NCK2: variants seen among roughly 807,000 people sequenced by gnomAD.
NCK2 encodes NCK adaptor protein 2.
In NCK2, 16 loss-of-function variants were observed where a neutral mutation model predicts 33.9. That is an observed-to-expected ratio of 0.47 (90% CI 0.32 to 0.72). The LOEUF is 0.72. NCK2 is among the 30% of genes least tolerant of loss of function. NCK2 has a pLI of 0.03. For synonymous variants in NCK2, 273 were observed against 239.9 expected, an observed-to-expected ratio of 1.14 and a Z score of -1.27; for missense variants, 418 against 537.3, an observed-to-expected ratio of 0.78 and a Z score of 2.19.
chr2:105,777,247 G>A (rs552705766), intron 1 of NCK2, among the ~76,000 whole-genome samples: 2 of 152,278 alleles, frequency 1.3e-5, no homozygotes, highest in African/African-American at 2.4e-5. Context: ...GAGCCGGGGT[G>A]TTGCGGGGGG....
intron 4 of NCK2, among the ~76,000 whole-genome samples, chr2:105,890,640 A>G (rs1273610273): frequency 1.3e-5 from 2 of 152,250 alleles, no homozygotes; most frequent in Non-Finnish European, 2.9e-5. Flanking sequence ...AGACAGAGGC[A>G]TGCATAAATA....
chr2:105,837,178 C>T (rs894179226), intron 2 of NCK2, among the ~76,000 whole-genome samples: 5 of 152,096 alleles, frequency 3.3e-5, no homozygotes, highest in African/African-American at 1.2e-4. Context: ...ATTTTACTTG[C>T]TGTGTGGTTA....
chr2:105,820,990 G>A (rs1175830536), intron 2 of NCK2, among the ~76,000 whole-genome samples: 1 of 152,206 alleles, frequency 6.6e-6, no homozygotes, highest in Non-Finnish European at 1.5e-5. Flanking sequence ...TGTGATAGAA[G>A]CAGCAGCAGC....
At chr2:105,775,796 A>G (rs1318432196) in intron 1 of NCK2, among the ~76,000 whole-genome samples, 6 of 152,034 alleles carry the variant, frequency 3.9e-5, no homozygotes, top group Admixed American at 3.9e-4. Flanking sequence ...ATTCACTTGG[A>G]TTCTTTTAAT....
At chr2:105,807,893 A>C (rs1459164897) in intron 1 of NCK2, among the ~76,000 whole-genome samples, 3 of 113,506 alleles carry the variant, frequency 2.6e-5, no homozygotes, top group African/African-American at 1.1e-4. Context: ...CCTTCTCTCT[A>C]TCTCTCTCTC....
At position 105,893,507 on chromosome 2, in the gene NCK2, A is replaced by C. The variant is rs1195608027; in HGVS notation, c.*331A>C. ...GACGCAGGGCACCTGTGAGCGCAGG[A>C]GCGAGCCTAAGGCCACCCAGCGGCA... On this transcript the variant is annotated 3_prime_UTR_variant, in exon 5 of 5. Transcript: ENST00000233154. The C allele has an allele frequency of 3.6e-6, 1 of 279,764 alleles. No individual in the cohort carries two copies. Among genetic ancestry groups the C allele is most frequent in the Admixed American group, 4.3e-5 (1 of 23,438 alleles). 17.3% of individuals were successfully genotyped at this position (279,764 alleles called of 1,614,324 possible). A position where few individuals can be genotyped will look rare whatever the true frequency, so the allele number is the denominator to read the frequency against.
chr2:105,852,578 A>C (rs555443030), intron 2 of NCK2, among the ~76,000 whole-genome samples: 10 of 152,334 alleles, frequency 6.6e-5, no homozygotes, highest in Middle Eastern at 3.4e-3. Flanking sequence ...GCAGTAGGAA[A>C]TATTAATAAA....
At chr2:105,878,793 A>C (rs1678341830) in intron 3 of NCK2, among the ~76,000 whole-genome samples, 1 of 152,226 alleles carries the variant, frequency 6.6e-6, no homozygotes, top group South Asian at 2.1e-4. Flanking sequence ...TATTTAGATC[A>C]CATTCAAGCA....
At chr2:105,768,242 T>C (rs975477674) in intron 1 of NCK2, among the ~76,000 whole-genome samples, 1 of 152,254 alleles carries the variant, frequency 6.6e-6, no homozygotes, top group African/African-American at 2.4e-5. Flanking sequence ...CAGCAAGACA[T>C]AGCTGGACTC....
intron 2 of NCK2, among the ~76,000 whole-genome samples, chr2:105,840,755 AG>A (rs2104549244): frequency 6.6e-6 from 1 of 152,370 alleles, no homozygotes; most frequent in Non-Finnish European, 1.5e-5. Flanking sequence ...GTGTTTTGTA[AG>A]GGAAAATAAA....
At chr2:105,887,263 C>G (rs957432179) in intron 4 of NCK2, among the ~76,000 whole-genome samples, 1 of 152,192 alleles carries the variant, frequency 6.6e-6, no homozygotes, top group African/African-American at 2.4e-5. Context: ...CCCATTTGTT[C>G]TCACTTTTGG....
intron 1 of NCK2, among the ~76,000 whole-genome samples, chr2:105,752,909 C>T (rs1689497208): frequency 6.6e-6 from 1 of 152,166 alleles, no homozygotes; most frequent in Admixed American, 6.5e-5. Flanking sequence ...CACACGGACA[C>T]AGACACACAC....
intron 2 of NCK2, among the ~76,000 whole-genome samples, chr2:105,821,618 C>G (rs1172843336): frequency 6.6e-6 from 1 of 152,142 alleles, no homozygotes; most frequent in Non-Finnish European, 1.5e-5. Flanking sequence ...TTCCACAGTG[C>G]CCCGGTGGTG....
rs142276939 is a variant in NCK2, at chr2:105,855,162, C to T, written c.99C>T (p.Asp33=). ...IKKNERLWLL[D]DSKTWWRVRN... is the part of the protein sequence containing the mutation. The stretch of plus-strand genomic sequence containing the variant: ...AGAACGAGCGGCTGTGGTTGCTGGA[C>T]GACTCCAAGACGTGGTGGCGGGTGA... The change falls in exon 3 of 5, where the codon GAC becomes GAT. Residue 33 remains aspartate (D), a synonymous_variant. Coordinates refer to ENST00000233154, the MANE Select transcript of NCK2 (RefSeq NM_003581.5). The T allele has an allele frequency of 6.1e-4, 990 of 1,614,142 alleles. No homozygotes were observed. Among genetic ancestry groups the T allele is most frequent in the Non-Finnish European group, 7.7e-4 (906 of 1,180,024 alleles).
intron 2 of NCK2, among the ~76,000 whole-genome samples, chr2:105,835,391 A>ATATATATG (rs1558861837): frequency 3.2e-4 from 12 of 38,094 alleles, no homozygotes; most frequent in African/African-American, 1.3e-3. Context: ...ATATACACAT[A>ATATATATG]TATATATATA....
intron 1 of NCK2, among the ~76,000 whole-genome samples, chr2:105,795,476 A>G (rs570374557): frequency 5.3e-5 from 8 of 152,380 alleles, no homozygotes; most frequent in Admixed American, 5.2e-4. Flanking sequence ...AAACTGCTGC[A>G]TAAATATTTG....
intron 1 of NCK2, among the ~76,000 whole-genome samples, chr2:105,762,189 G>C (rs562744538): frequency 1.3e-5 from 2 of 152,170 alleles, no homozygotes; most frequent in Admixed American, 6.5e-5. Flanking sequence ...GTTTCTGTGC[G>C]TAAGAGTGGG....
intron 2 of NCK2, among the ~76,000 whole-genome samples, chr2:105,824,491 G>C (rs1461408872): frequency 6.6e-6 from 1 of 152,236 alleles, no homozygotes; most frequent in Non-Finnish European, 1.5e-5. Flanking sequence ...TGTCTTCCCT[G>C]CCTGGAGTCT....
chr2:105,762,589 C>G (rs1410782601), intron 1 of NCK2, among the ~76,000 whole-genome samples: 1 of 152,148 alleles, frequency 6.6e-6, no homozygotes, highest in Non-Finnish European at 1.5e-5. Context: ...AAAAAACATC[C>G]TTATTTCCAC....
Sources: allele counts gnomAD v4.1 joint callset (sites outside exome capture counted in the v4.1 genomes callset), GRCh38; gene constraint gnomAD v4.1.1; transcripts MANE v1.5; gene names NCBI Gene and HGNC (gene_info 2026-07-23, HGNC 2026-07-21).